Variants in DNAH10 observed in about 807,000 individuals in gnomAD.
DNAH10 encodes the protein dynein axonemal heavy chain 10, also known as axonemal beta dynein heavy chain 10.
DNAH10 carries 348 observed loss-of-function variants against 506.6 expected under a neutral mutation model. The observed-to-expected ratio is 0.69, with a 90% CI of 0.63 to 0.75. The LOEUF (loss-of-function observed/expected upper bound fraction) is 0.75, where lower values mean the gene tolerates loss of function less well. DNAH10 is among the 30% of genes least tolerant of loss of function. DNAH10 has a pLI of 0.00. For synonymous variants in DNAH10, 2,059 were observed against 2,198.6 expected, an observed-to-expected ratio of 0.94 and a Z score of 1.78; for missense variants, 5,179 against 5,787.1, an observed-to-expected ratio of 0.89 and a Z score of 3.41.
At chr12:123,847,469 A>C (rs959988122) in intron 32 of DNAH10, among the ~76,000 whole-genome samples, 1 of 152,142 alleles carries the variant, frequency 6.6e-6, no homozygotes, top group Non-Finnish European at 1.5e-5. Flanking sequence ...TAGCATTTGA[A>C]GTTCTGACAG....
chr12:123,920,119 G>A (rs1167059607), intron 65 of DNAH10, among the ~76,000 whole-genome samples: 1 of 152,146 alleles, frequency 6.6e-6, no homozygotes, highest in African/African-American at 2.4e-5. Flanking sequence ...GAAAACATAT[G>A]CAAAAGAGAA....
rs142528051 is a variant in DNAH10, at chr12:123,802,295, A to G, written c.2614+863A>G. Among the ~76,000 whole-genome samples the G allele has an allele frequency of 6.2e-3, 944 of 152,124 alleles. 17 individuals are homozygous for G. The highest frequency in any genetic ancestry group is 0.021 in the African/African-American group (877 of 41,508). On this transcript the variant is annotated intron_variant, in intron 16 of 78. Transcript: ENST00000673944. ...TGAGTTGCACGGTAGTTGCATGTTT[A>G]GTTTAAGGTTGTTGTTGTTGTTGTT...
intron 26 of DNAH10, among the ~76,000 whole-genome samples, chr12:123,832,510 C>T (rs1186914993): frequency 6.6e-6 from 1 of 151,434 alleles, no homozygotes; most frequent in South Asian, 2.1e-4. Context: ...TGTATCAATA[C>T]AGATTTTTTT....
intron 39 of DNAH10, among the ~76,000 whole-genome samples, chr12:123,862,543 C>A (rs1442644386): frequency 1.3e-5 from 2 of 152,110 alleles, no homozygotes. Flanking sequence ...GTGCATGTCA[C>A]CATGCCCAGC....
rs71088963 is a variant in DNAH10, at chr12:123,866,229, C to CTTTTTTTTTTTTT, written c.7167+175_7167+187dup. Reference sequence around the variant, plus strand: ...AATAAGTGAAAACATGGCAGACACACTTTTTTTTTTTTTTTTTTTTTTTTT... The same window carrying CTTTTTTTTTTTTT: ...AATAAGTGAAAACATGGCAGACACACTTTTTTTTTTTTTTTTTTTTTTTTTTTTTTTTTTTTTT... On this transcript the variant is annotated intron_variant, in intron 41 of 78. Coordinates refer to ENST00000673944, the MANE Select transcript of DNAH10 (RefSeq NM_001372106.1). Among the ~76,000 whole-genome samples the CTTTTTTTTTTTTT allele has an allele frequency of 4.3e-4, 25 of 58,208 alleles. 7 individuals carry two copies. The highest frequency in any genetic ancestry group is 5.9e-4 in the Non-Finnish European group (19 of 32,268). 38.2% of individuals were successfully genotyped at this position (58,208 alleles called of 152,430 possible).
chr12:123,837,084 C>T (rs1305035504), intron 28 of DNAH10, among the ~76,000 whole-genome samples: 1 of 150,642 alleles, frequency 6.6e-6, no homozygotes, highest in Non-Finnish European at 1.5e-5. Flanking sequence ...ATCTCCTGAC[C>T]TCATGATCTG....
At position 123,841,222 on chromosome 12, in the gene DNAH10, G is replaced by A. The variant is rs1950763147; in HGVS notation, c.5137-100G>A. 3 of 1,264,064 alleles carry A rather than the reference G, an allele frequency of 2.4e-6. No homozygotes were observed. The Admixed American group carries it at 5.1e-5, about 22-fold the overall frequency. 78.3% of individuals were successfully genotyped at this position (1,264,064 alleles called of 1,614,324 possible). ...CGATCTCGGCTCACCGGTTGCCATT[G>A]CTTGCATCGTGGCAGCTCTGCTGGA... is the stretch of plus-strand genomic sequence containing the variant. On this transcript the variant is annotated intron_variant, in intron 29 of 78. Coordinates refer to ENST00000673944, the MANE Select transcript of DNAH10 (RefSeq NM_001372106.1).
At position 123,890,440 on chromosome 12, in the gene DNAH10, A is replaced by T. The variant is rs75873061; in HGVS notation, c.8996-2793A>T. Reference sequence around the variant, plus strand: ...TGCATCTCACCACAACCAGCTGATTAAAAAAAAAAAAACACACTTTTTTTT... The same window carrying T: ...TGCATCTCACCACAACCAGCTGATTTAAAAAAAAAAAACACACTTTTTTTT... On this transcript the variant is annotated intron_variant, in intron 52 of 78. Transcript: ENST00000673944. 1.1e-4 allele frequency among the ~76,000 whole-genome samples: 15 copies of T among 141,584 alleles called. No homozygotes were observed. In the East Asian group the frequency reaches 2.2e-3, roughly 21 times the overall value. 92.9% of individuals were successfully genotyped at this position (141,584 alleles called of 152,430 possible).
intron 24 of DNAH10, among the ~76,000 whole-genome samples, chr12:123,821,667 A>G (rs1959419499): frequency 6.6e-6 from 1 of 150,470 alleles, no homozygotes; most frequent in Non-Finnish European, 1.5e-5. Flanking sequence ...TAAAATGACA[A>G]TTTTTTTTTT....
intron 27 of DNAH10, among the ~76,000 whole-genome samples, chr12:123,834,497 T>C (rs1452835982): frequency 6.6e-6 from 1 of 152,246 alleles, no homozygotes; most frequent in Non-Finnish European, 1.5e-5. Context: ...CATGAGCCAC[T>C]GTGTTCAGTC....
chr12:123,822,850 T>C (rs1236820372), intron 24 of DNAH10, among the ~76,000 whole-genome samples: 5 of 152,152 alleles, frequency 3.3e-5, no homozygotes, highest in African/African-American at 1.2e-4. Flanking sequence ...CAGCCTTTTG[T>C]TCGATTCAGG....
chr12:123,841,090 C>G (rs956009204), intron 29 of DNAH10, among the ~76,000 whole-genome samples: 2 of 152,238 alleles, frequency 1.3e-5, no homozygotes, highest in African/African-American at 4.8e-5. Flanking sequence ...TTTTCTTTCT[C>G]TTTTCAATCC....
intron 19 of DNAH10, among the ~76,000 whole-genome samples, chr12:123,810,704 A>T (rs965895587): frequency 6.6e-6 from 1 of 152,164 alleles, no homozygotes; most frequent in Non-Finnish European, 1.5e-5. Flanking sequence ...AAAAAAAAAA[A>T]TGTTGAATAA....
Position 123,915,245 on chromosome 12 carries a change from C to T in DNAH10, c.10722+246C>T, listed in dbSNP as rs1025280347. On this transcript the variant is annotated intron_variant, in intron 62 of 78. Coordinates refer to ENST00000673944, the MANE Select transcript of DNAH10 (RefSeq NM_001372106.1). ...CGCAGGCTGTGAGCAACCTTAGCTT[C>T]GTGTTCCTCTGTCCAGTACGGGGTT... Among the ~76,000 whole-genome samples the T allele has an allele frequency of 2.0e-5, 3 of 152,240 alleles. No homozygotes were observed. In the East Asian group the frequency reaches 5.8e-4, roughly 29 times the overall value.
At chr12:123,766,287 GCCTACCTACCTA>G (rs146604271) in intron 1 of DNAH10, among the ~76,000 whole-genome samples, 3 of 150,604 alleles carry the variant, frequency 2.0e-5, no homozygotes, top group South Asian at 4.2e-4. Context: ...CAATTAATCA[GCCTACCTACCTA>G]CCTACCTACC....
In DNAH10 at chr12:123,914,981, G is replaced by A. The variant is rs1954403273; in HGVS notation, c.10704G>A (p.Glu3568=). Residue 3568 remains glutamate, a synonymous_variant, in exon 62 of 79, where the codon GAG becomes GAA. Transcript: ENST00000673944. ...CCCTCAACTGGATCAAGAGAAAAGA[G>A]GAGAAGAACAATCTGCGGGTATGGT... ...QQALNWIKRK[E]EKNNLRVASF... 1 of 1,609,612 alleles carries A rather than the reference G, an allele frequency of 6.2e-7. No individual in the cohort carries two copies. The highest frequency in any genetic ancestry group is 8.5e-7 in the Non-Finnish European group (1 of 1,177,986).
In DNAH10 at chr12:123,914,317, C is replaced by G; in HGVS notation, c.10353-12C>G. The G allele has an allele frequency of 6.2e-7, 1 of 1,608,448 alleles. No individual in the cohort carries two copies. The highest frequency in any genetic ancestry group is 2.2e-5 in the East Asian group (1 of 44,812). On this transcript the variant is annotated splice_polypyrimidine_tract_variant and intron_variant, in intron 60 of 78. Transcript: ENST00000673944. ...GTAAACTCACGGCAGCCTCCCTCTC[C>G]TCCCGTGCCAGGTGGCTGAACGACC... is the stretch of plus-strand genomic sequence containing the variant.
chr12:123,897,783 G>T lies in DNAH10; in HGVS notation c.9294G>T (p.Met3098Ile), dbSNP rs1201923271. 1.2e-6 allele frequency: 2 copies of T among 1,607,706 alleles called. No homozygotes were observed. Among genetic ancestry groups the T allele is most frequent in the Non-Finnish European group, 1.7e-6 (2 of 1,178,468 alleles). Residue 3098 changes from methionine (M) to isoleucine (I), a missense_variant, in exon 55 of 79, where the codon ATG (methionine) becomes ATT (isoleucine). Physicochemically the swap from Met to Ile is conservative, Grantham distance 10. Transcript: ENST00000673944. ...CTTCCTCTTCAGGGTATAATCCAAT[G>T]ATCCCGGCAGAAAATATAGAAAATG... ...VAKSFLGYNP[M>I]IPAENIENVV...
intron 54 of DNAH10, among the ~76,000 whole-genome samples, chr12:123,896,148 C>CACAT (rs1383690518): frequency 0.032 from 3,089 of 95,244 alleles, 70 homozygotes; most frequent in East Asian, 0.068. Flanking sequence ...CACACACACA[C>CACAT]AGAGAGAGAG....
Sources: gnomAD v4.1 joint callset for allele counts (sites outside exome capture counted in the v4.1 genomes callset) on GRCh38, gnomAD v4.1.1 for gene constraint, MANE v1.5 for transcripts, NCBI Gene and HGNC (gene_info 2026-07-23, HGNC 2026-07-21) for gene names.